Variants in KIF9 observed in about 807,000 individuals in gnomAD.
The protein encoded by KIF9 is kinesin family member 9.
In KIF9, 68 loss-of-function variants were observed where a neutral mutation model predicts 94.8. That is an observed-to-expected ratio of 0.72 (90% CI 0.59 to 0.88). The LOEUF (loss-of-function observed/expected upper bound fraction) is 0.88. Among genes scored for constraint, KIF9 ranks in the 40% least tolerant of loss-of-function variants. The pLI is 0.00. For synonymous variants in KIF9, 343 were observed against 362.1 expected, an observed-to-expected ratio of 0.95 and a Z score of 0.60; for missense variants, 882 against 982.5, an observed-to-expected ratio of 0.90 and a Z score of 1.37.
chr3:47,231,786 T>C (rs939620497), intron 20 of KIF9: 5 of 152,174 alleles, frequency 3.3e-5, no homozygotes, highest in African/African-American at 1.2e-4. Context: ...TGCTGCTCTA[T>C]GGGACCTTCA....
At position 47,236,125 on chromosome 3, in the gene KIF9, G is replaced by A. The variant is rs1312020093; in HGVS notation, c.2126C>T (p.Ser709Phe). ...LMEFDIWYNE[S>F]FVIPEDMQMA... The stretch of plus-strand genomic sequence containing the variant: ...CTGCATGTCCTCAGGGATGACAAAG[G>A]ACTCATTGTACCAGATGTCAAATTC... The change falls in exon 19 of 21, where the codon TCC becomes TTC. Residue 709 changes from serine to phenylalanine, a missense_variant. Transcript: ENST00000684063. 2 of 1,613,888 alleles carry A rather than the reference G, an allele frequency of 1.2e-6. No individual in the cohort carries two copies. The highest frequency in any genetic ancestry group is 2.7e-5 in the African/African-American group (2 of 74,930).
chr3:47,237,485 G>A (rs1465395206), intron 17 of KIF9, among the ~76,000 whole-genome samples: 2 of 152,184 alleles, frequency 1.3e-5, no homozygotes, highest in Non-Finnish European at 2.9e-5. Flanking sequence ...AGTGCTATTA[G>A]TCTCTTTGCA....
At chr3:47,245,966 T>C (rs1699898596) in intron 13 of KIF9, 2 of 529,326 alleles carry the variant, frequency 3.8e-6, no homozygotes, top group Non-Finnish European at 3.4e-6. Context: ...AAGGTGAATA[T>C]TCACAATGCC....
Position 47,275,348 on chromosome 3 carries a change from G to A in KIF9, c.236C>T (p.Ser79Phe). The change falls in exon 3 of 21, where the codon TCT becomes TTT. Residue 79 changes from serine to phenylalanine, a missense_variant. Physicochemically the swap from Ser to Phe is radical, Grantham distance 155. Coordinates refer to ENST00000684063, the MANE Select transcript of KIF9 (RefSeq NM_182902.4). ...VYETVAKDVV[S>F]QALDGYNGTI... ...ACCATTATAGCCATCGAGGGCCTGA[G>A]AAACCACATCCTTTGCAACTGTCTC... 1 of 1,612,470 alleles carries A rather than the reference G, an allele frequency of 6.2e-7. No individual in the cohort carries two copies. Among genetic ancestry groups the A allele is most frequent in the Non-Finnish European group, 8.5e-7 (1 of 1,179,538 alleles).
intron 2 of KIF9, 36 bp downstream of exon 2, chr3:47,277,246 G>T: frequency 1.4e-6 from 2 of 1,470,888 alleles, no homozygotes; most frequent in Non-Finnish European, 1.9e-6. Context: ...GGGACAGAGA[G>T]GCCCAGTCAG....
rs1020301737 is a variant in KIF9, at chr3:47,246,207, C to T, written c.1279G>A (p.Val427Met). The T allele has an allele frequency of 1.1e-5, 17 of 1,613,672 alleles. No individual in the cohort carries two copies. The highest frequency in any genetic ancestry group is 1.4e-5 in the Non-Finnish European group (17 of 1,179,744). The stretch of plus-strand genomic sequence containing the variant: ...GTGGGGGTCTCTCACCTCAGAACCA[C>T]CCGGAACTGGTTGAACACCTCCTTG... ...QIKEVFNQFR[V>M]VLSQQEQEVE... The change falls in exon 13 of 21, where the codon GTG becomes ATG. Residue 427 changes from valine to methionine, a missense_variant. By Grantham distance (21) the Val-to-Met change is conservative. Transcript: ENST00000684063.
intron 10 of KIF9, among the ~76,000 whole-genome samples, chr3:47,252,235 A>G (rs1700315930): frequency 6.6e-6 from 1 of 152,228 alleles, no homozygotes; most frequent in Admixed American, 6.5e-5. Context: ...ACTGGATGGC[A>G]CAGAGACTCA....
chr3:47,251,020 T>C (rs539253281), intron 10 of KIF9, among the ~76,000 whole-genome samples: 1 of 152,342 alleles, frequency 6.6e-6, no homozygotes, highest in African/African-American at 2.4e-5. Flanking sequence ...ATGTGACCAG[T>C]GTCCAGATCC....
At chr3:47,252,010 C>T (rs1700303088) in intron 10 of KIF9, among the ~76,000 whole-genome samples, 2 of 152,094 alleles carry the variant, frequency 1.3e-5, no homozygotes, top group South Asian at 4.2e-4. Context: ...CAGTCTTCTG[C>T]CTTATAGCCA....
chr3:47,239,828 T>A, intron 17 of KIF9: 1 of 1,367,722 alleles, frequency 7.3e-7, no homozygotes. Context: ...ATAAACCAAG[T>A]GACATCTGGA....
chr3:47,239,781 C>G, intron 17 of KIF9: 1 of 1,360,188 alleles, frequency 7.4e-7, no homozygotes. Flanking sequence ...GTAAAATGCA[C>G]CCCCTGTGAG....
intron 13 of KIF9, 137 bp from the exon 14 acceptor site, chr3:47,245,648 C>A: frequency 2.9e-6 from 2 of 682,150 alleles, no homozygotes; most frequent in Non-Finnish European, 5.3e-6. Flanking sequence ...TGAACCAGAC[C>A]AGACAAAAGG....
At chr3:47,252,458 G>T (rs1053398139) in intron 10 of KIF9, among the ~76,000 whole-genome samples, 1 of 152,006 alleles carries the variant, frequency 6.6e-6, no homozygotes, top group African/African-American at 2.4e-5. Context: ...TAAGTCAGGC[G>T]TGGTGGCGCA....
chr3:47,275,002 A>G (rs1701868942), intron 3 of KIF9, among the ~76,000 whole-genome samples: 1 of 152,212 alleles, frequency 6.6e-6, no homozygotes, highest in African/African-American at 2.4e-5. Flanking sequence ...TGAGAGACAA[A>G]TGTTTGGACT....
At chr3:47,269,664 T>TGC (rs1559462970) in intron 5 of KIF9, among the ~76,000 whole-genome samples, 3 of 151,414 alleles carry the variant, frequency 2.0e-5, no homozygotes, top group African/African-American at 4.9e-5. Context: ...TGCAATGGCT[T>TGC]AATCTCAGCT....
Position 47,282,381 on chromosome 3 carries a change from C to T in KIF9, c.-6+114G>A, listed in dbSNP as rs191613424. ...TCGCCTGGGTTTCAGAGATGAGCGA[C>T]CCAGCTGGGAACCCCCAGATAAAGC... is the stretch of plus-strand genomic sequence containing the variant. On this transcript the variant is annotated intron_variant, in intron 1 of 20. Coordinates refer to ENST00000684063, the MANE Select transcript of KIF9 (RefSeq NM_182902.4). 7 of 986,332 alleles carry T rather than the reference C, an allele frequency of 7.1e-6. No individual in the cohort carries two copies. In the African/African-American group the frequency reaches 1.0e-4, roughly 15 times the overall value. 61.1% of individuals were successfully genotyped at this position (986,332 alleles called of 1,614,324 possible).
At chr3:47,239,496 G>C (rs530794525) in intron 17 of KIF9, 1 of 1,003,696 alleles carries the variant, frequency 1.0e-6, no homozygotes, top group South Asian at 3.4e-5. Flanking sequence ...TTGCCCTCAG[G>C]AATAGCATGT....
At chr3:47,233,361 CAAAAAAAAAAAAAA>C (rs966425803) in intron 20 of KIF9, among the ~76,000 whole-genome samples, 1 of 26,314 alleles carries the variant, frequency 3.8e-5, no homozygotes. Context: ...GACTCTGTCT[CAAAAAAAAAAAAAA>C]AAAAAAAAAA....
At chr3:47,235,484 C>T in intron 20 of KIF9, 29 bp downstream of exon 20, 1 of 1,493,268 alleles carries the variant, frequency 6.7e-7, no homozygotes, top group East Asian at 2.3e-5. Context: ...AGGCCCCCAT[C>T]CTCCTGGAGA....
Sources: gnomAD v4.1 joint callset for allele counts (sites outside exome capture counted in the v4.1 genomes callset) on GRCh38, gnomAD v4.1.1 for gene constraint, MANE v1.5 for transcripts, NCBI Gene and HGNC (gene_info 2026-07-23, HGNC 2026-07-21) for gene names.